The following ADAMTS19 variants were observed in gnomAD, a reference collection of about 807,000 sequenced individuals.
The protein encoded by ADAMTS19 is ADAM metallopeptidase with thrombospondin type 1 motif 19.
ADAMTS19 carries 93 observed loss-of-function variants against 153.3 expected under a neutral mutation model. The observed-to-expected ratio is 0.61, with a 90% CI of 0.51 to 0.72. ADAMTS19 has a LOEUF of 0.72. ADAMTS19 is among the 30% of genes least tolerant of loss of function. The pLI, the probability that ADAMTS19 is intolerant of heterozygous loss-of-function variation, is 0.00. For missense variants in ADAMTS19, 1,482 were observed against 1,552.1 expected, an observed-to-expected ratio of 0.95 and a Z score of 0.76; for synonymous variants, 600 against 556.6, an observed-to-expected ratio of 1.08 and a Z score of -1.10.
At chr5:129,616,462 A>C (rs770910085) in intron 8 of ADAMTS19, among the ~76,000 whole-genome samples, 34 of 152,130 alleles carry the variant, frequency 2.2e-4, no homozygotes, top group Non-Finnish European at 4.3e-4. Context: ...CAAATTATCC[A>C]AAAAAATGAG....
intron 18 of ADAMTS19, among the ~76,000 whole-genome samples, chr5:129,689,008 T>G (rs1057252559): frequency 2.6e-5 from 4 of 152,198 alleles, no homozygotes; most frequent in Non-Finnish European, 5.9e-5. Flanking sequence ...CCAAAATATC[T>G]GAGGATTGTG....
intron 11 of ADAMTS19, among the ~76,000 whole-genome samples, chr5:129,645,885 A>ATTTTTTTTTTTTTTTTTTTTTTTTTTTTT (rs529444004): frequency 4.1e-5 from 4 of 97,102 alleles, no homozygotes; most frequent in South Asian, 3.5e-4. Flanking sequence ...TCCTTTTCCA[A>ATTTTTTTTTTTTTTTTTTTTTTTTTTTTT]TTTTTTTTTT....
rs1360467704 is a variant in ADAMTS19, at chr5:129,608,086, A to ATGTG, written c.1478+11423_1478+11424insGTGT. 6.1e-3 allele frequency among the ~76,000 whole-genome samples: 347 copies of ATGTG among 57,006 alleles called. 50 individuals carry two copies. Among genetic ancestry groups the ATGTG allele is most frequent in the Middle Eastern group, 8.8e-3 (1 of 114 alleles). The allele number at this position is 57,006 out of a possible 152,430, so 37.4% of individuals were successfully genotyped here. A position where few individuals can be genotyped will look rare whatever the true frequency, so the allele number is the denominator to read the frequency against. Reference sequence around the variant, plus strand: ...ATTCATTATATAATTGGAATTTTATATATATGTGTGTGTGTGTGTGTGTGT... The same window carrying ATGTG: ...ATTCATTATATAATTGGAATTTTATATGTGTATATGTGTGTGTGTGTGTGTGTGT... On this transcript the variant is annotated intron_variant, in intron 8 of 22. Transcript: ENST00000274487.
At chr5:129,639,387 A>C (rs25825) in intron 10 of ADAMTS19, among the ~76,000 whole-genome samples, 23,935 of 152,128 alleles carry the variant, frequency 0.16, 2,095 homozygotes, top group East Asian at 0.31. Flanking sequence ...TCTAAATCTG[A>C]GTTATTTTTA....
intron 2 of ADAMTS19, among the ~76,000 whole-genome samples, chr5:129,469,906 G>A (rs1750005668): frequency 6.6e-6 from 1 of 152,148 alleles, no homozygotes; most frequent in Admixed American, 6.5e-5. Flanking sequence ...ATAGTTACAT[G>A]TGAGAGAAGT....
chr5:129,728,781 A>G (rs996757609), intron 21 of ADAMTS19, among the ~76,000 whole-genome samples: 15 of 152,196 alleles, frequency 9.9e-5, no homozygotes, highest in African/African-American at 3.6e-4. Context: ...TACCAGATCC[A>G]TAGTAAATAA....
intron 2 of ADAMTS19, among the ~76,000 whole-genome samples, chr5:129,468,713 A>C (rs1749961201): frequency 6.6e-6 from 1 of 151,948 alleles, no homozygotes; most frequent in Admixed American, 6.6e-5. Context: ...GGTGAGGTTG[A>C]GTGTCTTTAT....
At chr5:129,525,033 A>G (rs1445389824) in intron 3 of ADAMTS19, among the ~76,000 whole-genome samples, 1 of 152,114 alleles carries the variant, frequency 6.6e-6, no homozygotes, top group Non-Finnish European at 1.5e-5. Flanking sequence ...TTTCATTGCT[A>G]TATAGTATTC....
intron 2 of ADAMTS19, among the ~76,000 whole-genome samples, chr5:129,489,058 T>A (rs1186430954): frequency 1.3e-5 from 2 of 152,140 alleles, no homozygotes; most frequent in African/African-American, 4.8e-5. Flanking sequence ...CTTAGTTTTC[T>A]AGGTGCGTGA....
At chr5:129,665,700 T>A in intron 16 of ADAMTS19, 121 bp downstream of exon 16, 1 of 757,714 alleles carries the variant, frequency 1.3e-6, no homozygotes, top group Non-Finnish European at 2.0e-6. Flanking sequence ...TCCCAGGAAC[T>A]ATCTTTTGTC....
chr5:129,460,379 G>A lies in ADAMTS19; in HGVS notation c.-13G>A. On this transcript the variant is annotated 5_prime_UTR_variant, in exon 1 of 23. Transcript: ENST00000274487. ...GTGCGCCGGGCGAGAAGCCGCGGCC[G>A]CGGGAGCGCAGTATGGGGAAGAACC... is the stretch of plus-strand genomic sequence containing the variant. The A allele has an allele frequency of 6.2e-7, 1 of 1,611,524 alleles. No homozygotes were observed. Among genetic ancestry groups the A allele is most frequent in the South Asian group, 1.1e-5 (1 of 91,062 alleles).
At chr5:129,672,715 T>G (rs897699645) in intron 16 of ADAMTS19, among the ~76,000 whole-genome samples, 2 of 152,142 alleles carry the variant, frequency 1.3e-5, no homozygotes, top group East Asian at 3.9e-4. Flanking sequence ...AACCCTCATA[T>G]GGGTTTGCAG....
intron 8 of ADAMTS19, among the ~76,000 whole-genome samples, chr5:129,603,732 G>A (rs1251275927): frequency 1.3e-5 from 2 of 152,086 alleles, no homozygotes; most frequent in African/African-American, 4.8e-5. Context: ...AGCACATTGA[G>A]GCCAAAGACT....
intron 15 of ADAMTS19, among the ~76,000 whole-genome samples, chr5:129,662,539 G>A (rs1301540657): frequency 6.6e-6 from 1 of 152,142 alleles, no homozygotes; most frequent in Non-Finnish European, 1.5e-5. Context: ...TATAAACTTA[G>A]ATATAACTAT....
chr5:129,462,241 T>C (rs1749700166), intron 2 of ADAMTS19, among the ~76,000 whole-genome samples: 1 of 152,172 alleles, frequency 6.6e-6, no homozygotes, highest in Non-Finnish European at 1.5e-5. Flanking sequence ...CTATAGGGGA[T>C]TACTCTGACA....
chr5:129,529,956 C>T (rs1752141634), intron 6 of ADAMTS19, among the ~76,000 whole-genome samples: 1 of 152,058 alleles, frequency 6.6e-6, no homozygotes, highest in Admixed American at 6.6e-5. Context: ...GGAGACAGAG[C>T]TTGGAGGTTG....
At chr5:129,535,630 C>T (rs1483120954) in intron 6 of ADAMTS19, among the ~76,000 whole-genome samples, 1 of 152,160 alleles carries the variant, frequency 6.6e-6, no homozygotes, top group Non-Finnish European at 1.5e-5. Flanking sequence ...AAGAACAAAG[C>T]TGGAGGCATC....
intron 7 of ADAMTS19, among the ~76,000 whole-genome samples, chr5:129,555,072 TCTATAAC>T (rs1753267824): frequency 6.6e-6 from 1 of 152,142 alleles, no homozygotes; most frequent in Non-Finnish European, 1.5e-5. Context: ...TTCTCTTTTA[TCTATAAC>T]CGATGTGAAG....
chr5:129,640,773 C>T (rs1442377047), intron 10 of ADAMTS19, among the ~76,000 whole-genome samples: 1 of 152,084 alleles, frequency 6.6e-6, no homozygotes, highest in Admixed American at 6.6e-5. Flanking sequence ...CTCCCAGTAT[C>T]TGGATAGGTA....
Sources: allele counts gnomAD v4.1 joint callset (sites outside exome capture counted in the v4.1 genomes callset), GRCh38; gene constraint gnomAD v4.1.1; transcripts MANE v1.5; gene names NCBI Gene and HGNC (gene_info 2026-07-23, HGNC 2026-07-21).